The following PITPNC1 variants were observed in gnomAD, a reference collection of about 807,000 sequenced individuals.
PITPNC1 encodes the protein cytoplasmic phosphatidylinositol transfer protein 1.
A neutral mutation model predicts 44.7 loss-of-function variants in PITPNC1; 18 were observed. The ratio of observed to expected loss-of-function variants is 0.40; its 90% CI spans 0.28 to 0.60. The LOEUF is 0.60. PITPNC1 is among the 20% of genes least tolerant of loss of function. PITPNC1 has a pLI of 0.39. For missense variants in PITPNC1, 290 were observed against 418.4 expected (o/e 0.69, Z 2.68); for synonymous variants, 141 against 149.6 (o/e 0.94, Z 0.42).
chr17:67,451,822 G>A (rs1374230466), intron 1 of PITPNC1, among the ~76,000 whole-genome samples: 2 of 151,834 alleles, frequency 1.3e-5, no homozygotes, highest in East Asian at 3.9e-4. Context: ...ATTTTTAGTA[G>A]AGATGGAGTT....
chr17:67,631,645 A>AT lies in PITPNC1; in HGVS notation c.367-498_367-497insT, dbSNP rs1488483852. Among the ~76,000 whole-genome samples the AT allele has an allele frequency of 5.5e-3, 44 of 7,994 alleles. 2 individuals are homozygous for AT. In the East Asian group the frequency reaches 0.063, roughly 11 times the overall value. The allele number at this position is 7,994 out of a possible 152,430, so 5.2% of individuals were successfully genotyped here. A position where few individuals can be genotyped will look rare whatever the true frequency, so the allele number is the denominator to read the frequency against. On this transcript the variant is annotated intron_variant, in intron 5 of 8. Transcript: ENST00000581322. Reference sequence around the variant, plus strand: ...CTCCGTCTCAAAAACCAAAAAAAAAAAAAAAAAAAAAAATATATATATATA... The same window carrying AT: ...CTCCGTCTCAAAAACCAAAAAAAAAATAAAAAAAAAAAAATATATATATATA...
At chr17:67,400,360 C>T (rs1298769475) in intron 1 of PITPNC1, among the ~76,000 whole-genome samples, 1 of 152,158 alleles carries the variant, frequency 6.6e-6, no homozygotes, top group Non-Finnish European at 1.5e-5. Flanking sequence ...GTCTCTTGCT[C>T]GGGTGACAAG....
chr17:67,397,260 C>T (rs1273803482), intron 1 of PITPNC1, among the ~76,000 whole-genome samples: 10 of 152,196 alleles, frequency 6.6e-5, no homozygotes, highest in Admixed American at 5.2e-4. Context: ...AGATTGCAGG[C>T]GTCAGCCACC....
intron 6 of PITPNC1, among the ~76,000 whole-genome samples, chr17:67,660,405 T>G (rs1420299293): frequency 6.6e-6 from 1 of 152,142 alleles, no homozygotes; most frequent in Non-Finnish European, 1.5e-5. Context: ...ACTTAAATGC[T>G]CCTTTGACTG....
chr17:67,677,447 G>C (rs1352359647), intron 8 of PITPNC1, among the ~76,000 whole-genome samples: 1 of 152,054 alleles, frequency 6.6e-6, no homozygotes, highest in Non-Finnish European at 1.5e-5. Flanking sequence ...GGTTTGATTA[G>C]AGGCAGGATA....
At chr17:67,606,114 C>T (rs1309835938) in intron 5 of PITPNC1, among the ~76,000 whole-genome samples, 1 of 152,078 alleles carries the variant, frequency 6.6e-6, no homozygotes, top group Non-Finnish European at 1.5e-5. Flanking sequence ...AGCTTTCTGC[C>T]CTCAACTGGC....
At chr17:67,634,922 A>G (rs1275719672) in intron 6 of PITPNC1, among the ~76,000 whole-genome samples, 1 of 152,110 alleles carries the variant, frequency 6.6e-6, no homozygotes, top group Non-Finnish European at 1.5e-5. Flanking sequence ...GCATGGTGGC[A>G]TGCGCCTTTA....
intron 2 of PITPNC1, among the ~76,000 whole-genome samples, chr17:67,544,895 A>G (rs1408769666): frequency 1.3e-5 from 2 of 152,202 alleles, no homozygotes; most frequent in African/African-American, 2.4e-5. Context: ...GCAACAGGCA[A>G]TAGAGACAGC....
intron 1 of PITPNC1, among the ~76,000 whole-genome samples, chr17:67,442,204 CATATATATAT>C (rs10526037): frequency 0.039 from 2,093 of 54,188 alleles, 55 homozygotes; most frequent in Admixed American, 0.049. Context: ...GGAAAATAAG[CATATATATAT>C]ATATATATAT....
intron 8 of PITPNC1, among the ~76,000 whole-genome samples, chr17:67,680,724 AC>A (rs1567776907): frequency 6.6e-6 from 1 of 152,166 alleles, no homozygotes; most frequent in Non-Finnish European, 1.5e-5. Flanking sequence ...AAATGGAGTC[AC>A]CCTAAGCTTT....
In PITPNC1 at chr17:67,668,979, G is replaced by T. The variant is rs1045014677; in HGVS notation, c.463-529G>T. Among the ~76,000 whole-genome samples, 7 of 152,330 alleles carry T rather than the reference G, an allele frequency of 4.6e-5. No homozygotes were observed. In the East Asian group the frequency reaches 7.7e-4, roughly 17 times the overall value. ...CGCATATGCACAAGGTTGTGCAACT[G>T]TCACCACTGTCTAATACCAGAATGT... is the stretch of plus-strand genomic sequence containing the variant. On this transcript the variant is annotated intron_variant, in intron 6 of 8. Transcript: ENST00000581322.
intron 1 of PITPNC1, among the ~76,000 whole-genome samples, chr17:67,450,551 G>A (rs760001071): frequency 1.1e-4 from 16 of 151,996 alleles, no homozygotes; most frequent in Middle Eastern, 3.4e-3. Flanking sequence ...TCAGCCTCTC[G>A]AGTAGCTGGG....
chr17:67,408,703 T>TTTCTTTCTTTCTTTCTC (rs2038439572), intron 1 of PITPNC1: 1 of 144,672 alleles, frequency 6.9e-6, no homozygotes, highest in African/African-American at 2.5e-5. Flanking sequence ...CCTTCCTTCC[T>TTTCTTTCTTTCTTTCTC]TCCTTCCTTC....
At chr17:67,431,206 C>CTA (rs2038852344) in intron 1 of PITPNC1, among the ~76,000 whole-genome samples, 1 of 151,770 alleles carries the variant, frequency 6.6e-6, no homozygotes, top group Non-Finnish European at 1.5e-5. Context: ...CTATAGGCGC[C>CTA]CACCACCACA....
chr17:67,526,548 G>A (rs1046695163), intron 1 of PITPNC1, among the ~76,000 whole-genome samples: 1 of 151,882 alleles, frequency 6.6e-6, no homozygotes, highest in Non-Finnish European at 1.5e-5. Flanking sequence ...GGCCAACCTG[G>A]TGAAACCCCG....
chr17:67,656,132 C>T (rs1267384054), intron 6 of PITPNC1, among the ~76,000 whole-genome samples: 2 of 152,176 alleles, frequency 1.3e-5, no homozygotes, highest in South Asian at 2.1e-4. Flanking sequence ...TTCAGGTCAC[C>T]ACCTGTTCAG....
At chr17:67,611,540 C>T (rs919147550) in intron 5 of PITPNC1, 1 of 152,278 alleles carries the variant, frequency 6.6e-6, no homozygotes, top group Non-Finnish European at 1.5e-5. Context: ...GTGGCGTGAC[C>T]TCAGCTCACC....
At chr17:67,572,468 C>CG (rs34297453) in intron 4 of PITPNC1, among the ~76,000 whole-genome samples, 7,733 of 48,638 alleles carry the variant, frequency 0.16, 774 homozygotes, top group East Asian at 0.33. Context: ...CTGGGTAAAG[C>CG]GGGGGGGGGG....
intron 5 of PITPNC1, among the ~76,000 whole-genome samples, chr17:67,601,418 G>A (rs2041538101): frequency 6.6e-6 from 1 of 152,150 alleles, no homozygotes; most frequent in African/African-American, 2.4e-5. Flanking sequence ...GTGAAATACT[G>A]AGGAAGGAGC....
Sources: gnomAD v4.1 joint callset for allele counts (sites outside exome capture counted in the v4.1 genomes callset) on GRCh38, gnomAD v4.1.1 for gene constraint, MANE v1.5 for transcripts, NCBI Gene and HGNC (gene_info 2026-07-23, HGNC 2026-07-21) for gene names.